The following RNF216 variants were observed in gnomAD, a reference collection of about 807,000 sequenced individuals.
RNF216 encodes the protein ring finger protein 216.
Under a neutral mutation model 110.8 loss-of-function variants are expected in RNF216, and 72 were observed. The ratio of observed to expected loss-of-function variants is 0.65; its 90% CI spans 0.54 to 0.79. RNF216 has a LOEUF of 0.79. RNF216 is among the 30% of genes least tolerant of loss of function. The pLI is 0.00. For missense variants in RNF216, 1,342 were observed against 1,141.2 expected, an observed-to-expected ratio of 1.18 and a Z score of -2.54; for synonymous variants, 495 against 407.5, an observed-to-expected ratio of 1.21 and a Z score of -2.59.
intron 1 of RNF216, among the ~76,000 whole-genome samples, chr7:5,763,176 T>C (rs1584599376): frequency 6.6e-6 from 1 of 151,146 alleles, no homozygotes; most frequent in Admixed American, 6.6e-5. Context: ...AATGAGGGAG[T>C]GGGTAGATTA....
intron 16 of RNF216, among the ~76,000 whole-genome samples, 180 bp downstream of exon 16, chr7:5,623,876 A>C (rs1786544741): frequency 6.6e-6 from 1 of 152,170 alleles, no homozygotes; most frequent in African/African-American, 2.4e-5. Flanking sequence ...AAGGCGTTGA[A>C]GGCCTTTCCA....
intron 2 of RNF216, among the ~76,000 whole-genome samples, chr7:5,755,977 G>A (rs913266964): frequency 6.7e-5 from 3 of 44,542 alleles, no homozygotes; most frequent in Non-Finnish European, 1.8e-4. Context: ...ACTGTCTATA[G>A]ATTGATATGG....
At chr7:5,725,492 C>G in intron 7 of RNF216, 54 bp from the exon 8 acceptor site, 1 of 1,018,194 alleles carries the variant, frequency 9.8e-7, no homozygotes, top group Non-Finnish European at 1.5e-6. Context: ...TAAGAATACA[C>G]GAGACAGGCA....
intron 11 of RNF216, among the ~76,000 whole-genome samples, chr7:5,714,761 TTCTC>T (rs142260582): frequency 0.28 from 42,274 of 151,970 alleles, 6,377 homozygotes; most frequent in Admixed American, 0.38. Context: ...GGCTGCAAGG[TTCTC>T]TCTTTCTGAG....
In RNF216 at chr7:5,725,345, T is replaced by G; in HGVS notation, c.1483A>C (p.Ile495Leu). ...KRKQMNQYSYIDFKFEQGDIK... is the reference protein window; with the variant it reads ...KRKQMNQYSYLDFKFEQGDIK... The stretch of plus-strand genomic sequence containing the variant: ...TTACCTTGTTCAAACTTGAAATCAA[T>G]GTAAGAATACTGGTTCATTTGTTTT... The change falls in exon 8 of 17, where the codon ATT becomes CTT. Residue 495 changes from isoleucine to leucine, a missense_variant. Physicochemically the swap from Ile to Leu is conservative, Grantham distance 5 (BLOSUM62 2). Coordinates refer to ENST00000389902, the MANE Select transcript of RNF216 (RefSeq NM_207111.4). 1 of 1,606,836 alleles carries G rather than the reference T, an allele frequency of 6.2e-7. No individual in the cohort carries two copies. The highest frequency in any genetic ancestry group is 8.5e-7 in the Non-Finnish European group (1 of 1,173,354).
At chr7:5,658,372 T>A (rs536913655) in intron 13 of RNF216, among the ~76,000 whole-genome samples, 4 of 152,218 alleles carry the variant, frequency 2.6e-5, no homozygotes, top group African/African-American at 9.6e-5. Context: ...TAAAATTATT[T>A]TGGGCCGGGC....
intron 15 of RNF216, among the ~76,000 whole-genome samples, chr7:5,629,857 G>A (rs939762281): frequency 2.2e-4 from 34 of 151,418 alleles, no homozygotes; most frequent in Admixed American, 5.3e-4. Context: ...AAAGAGGGAG[G>A]GAGGGTTTAG....
At chr7:5,664,761 C>T (rs1789396515) in intron 13 of RNF216, among the ~76,000 whole-genome samples, 1 of 152,218 alleles carries the variant, frequency 6.6e-6, no homozygotes, top group South Asian at 2.1e-4. Flanking sequence ...ATCCAAACTG[C>T]CTGGGTCCAG....
intron 2 of RNF216, among the ~76,000 whole-genome samples, chr7:5,756,966 A>C (rs970895366): frequency 2.6e-5 from 4 of 152,190 alleles, no homozygotes; most frequent in African/African-American, 9.6e-5. Context: ...AATGTATTTT[A>C]GGCCATAAGT....
chr7:5,742,586 CTTTTTTTTTTTTTTTT>C (rs59545890), intron 3 of RNF216, among the ~76,000 whole-genome samples: 1 of 65,988 alleles, frequency 1.5e-5, no homozygotes, highest in Non-Finnish European at 2.7e-5. Context: ...GGTGAAAAAT[CTTTTTTTTTTTTTTTT>C]TTTTTTTTTT....
chr7:5,656,884 T>A (rs952542985), intron 13 of RNF216, among the ~76,000 whole-genome samples: 1 of 152,192 alleles, frequency 6.6e-6, no homozygotes, highest in African/African-American at 2.4e-5. Flanking sequence ...TAGACAAATG[T>A]ATCCGGCCAC....
At chr7:5,634,101 A>G (rs766033008) in intron 15 of RNF216, among the ~76,000 whole-genome samples, 21 of 152,190 alleles carry the variant, frequency 1.4e-4, no homozygotes, top group African/African-American at 1.9e-4. Context: ...GCACAAAACT[A>G]TTTTTGCCAA....
Position 5,632,861 on chromosome 7 carries a change from C to T in RNF216, c.2382+8293G>A, listed in dbSNP as rs77682118. Among the ~76,000 whole-genome samples, 193 of 152,274 alleles carry T rather than the reference C, an allele frequency of 1.3e-3. 1 individual carries two copies. Among genetic ancestry groups the T allele is most frequent in the South Asian group, 6.0e-3 (29 of 4,828 alleles). On this transcript the variant is annotated intron_variant, in intron 15 of 16. Transcript: ENST00000389902. ...GATCACAGTGGGATCCAATGAGTAC[C>T]ATGACGAAGCACACGAATGGCACCA...
chr7:5,640,187 T>C (rs1255235962), intron 15 of RNF216, among the ~76,000 whole-genome samples: 2 of 152,138 alleles, frequency 1.3e-5, no homozygotes, highest in Non-Finnish European at 2.9e-5. Context: ...CGTGAGCTAC[T>C]GTGCCTGACC....
At chr7:5,766,493 G>A (rs965405737) in intron 1 of RNF216, among the ~76,000 whole-genome samples, 1 of 151,796 alleles carries the variant, frequency 6.6e-6, no homozygotes, top group African/African-American at 2.4e-5. Flanking sequence ...TGGGCACTCT[G>A]AGAAGAAGAG....
In RNF216 at chr7:5,741,536, T is replaced by G. The variant is rs1343066048; in HGVS notation, c.481A>C (p.Ser161Arg). 1 of 1,614,190 alleles carries G rather than the reference T, an allele frequency of 6.2e-7. No homozygotes were observed. The highest frequency in any genetic ancestry group is 1.7e-5 in the Admixed American group (1 of 60,020). Residue 161 changes from serine (S) to arginine (R), a missense_variant, in exon 4 of 17, where the codon AGT becomes CGT. Coordinates refer to ENST00000389902, the MANE Select transcript of RNF216 (RefSeq NM_207111.4). ...QTEREPKPGP[S>R]HNQAANDIVN... Reference sequence around the variant, plus strand: ...ATGTCATTTGCTGCTTGGTTATGACTCGGTCCAGGCTTGGGTTCTCTTTCT... The same window carrying G: ...ATGTCATTTGCTGCTTGGTTATGACGCGGTCCAGGCTTGGGTTCTCTTTCT...
chr7:5,767,601 G>A (rs1039554824), intron 1 of RNF216, among the ~76,000 whole-genome samples: 2 of 122,844 alleles, frequency 1.6e-5, no homozygotes, highest in African/African-American at 5.9e-5. Context: ...TGTTGAGAGG[G>A]ATTTTTTTTT....
At chr7:5,740,893 T>C in intron 4 of RNF216, 80 bp downstream of exon 4, 1 of 1,418,374 alleles carries the variant, frequency 7.1e-7, no homozygotes, top group East Asian at 2.3e-5. Flanking sequence ...CCAACAACTT[T>C]TTTTTTTGCA....
chr7:5,728,916 C>A (rs1487498397), intron 7 of RNF216, among the ~76,000 whole-genome samples: 1 of 152,228 alleles, frequency 6.6e-6, no homozygotes, highest in Non-Finnish European at 1.5e-5. Context: ...GTGTTACCCA[C>A]CACAAACCAG....
Sources: allele counts gnomAD v4.1 joint callset (sites outside exome capture counted in the v4.1 genomes callset), GRCh38; gene constraint gnomAD v4.1.1; transcripts MANE v1.5; gene names NCBI Gene and HGNC (gene_info 2026-07-23, HGNC 2026-07-21).